IGSF5: variants seen among roughly 807,000 people sequenced by gnomAD.
IGSF5 encodes the protein immunoglobulin superfamily 5 like.
A neutral mutation model predicts 39.4 loss-of-function variants in IGSF5; 41 were observed. The ratio of observed to expected loss-of-function variants is 1.04; its 90% CI spans 0.81 to 1.35. IGSF5 has a LOEUF of 1.35. IGSF5 is among the 40% of genes most tolerant of loss of function. The pLI, the probability that IGSF5 is intolerant of heterozygous loss-of-function variation, is 0.00. For missense variants in IGSF5, 487 were observed against 494.6 expected (o/e 0.98, Z 0.15); for synonymous variants, 183 against 175.3 (o/e 1.04, Z -0.34).
chr21:39,770,844 A>G lies in IGSF5; in HGVS notation c.419-72A>G, dbSNP rs2080109941. On this transcript the variant is annotated intron_variant, in intron 3 of 8. Coordinates refer to ENST00000380588, the MANE Select transcript of IGSF5 (RefSeq NM_001080444.2). ...GAAGCAAAACTTAAAAAAAAAAAGA[A>G]AAAAAAAAAGAAAACTTAGAAGCGA... The G allele has an allele frequency of 4.3e-6, 5 of 1,162,988 alleles. No homozygotes were observed. In the East Asian group the frequency reaches 1.1e-4, roughly 27 times the overall value. The allele number at this position is 1,162,988 out of a possible 1,614,324, so 72.0% of individuals were successfully genotyped here.
At chr21:39,769,150 T>C (rs1416144235) in intron 3 of IGSF5, among the ~76,000 whole-genome samples, 4 of 152,182 alleles carry the variant, frequency 2.6e-5, no homozygotes, top group Non-Finnish European at 1.5e-5. Flanking sequence ...AGTTCCTTGA[T>C]AGAGTTTCAG....
At chr21:39,752,572 T>C (rs1334890675) in intron 2 of IGSF5, among the ~76,000 whole-genome samples, 1 of 152,274 alleles carries the variant, frequency 6.6e-6, no homozygotes, top group Non-Finnish European at 1.5e-5. Context: ...TACTTTTAGT[T>C]CTTTAAGGAA....
chr21:39,748,143 C>T (rs1018968919), intron 2 of IGSF5, among the ~76,000 whole-genome samples: 1 of 152,026 alleles, frequency 6.6e-6, no homozygotes, highest in Non-Finnish European at 1.5e-5. Flanking sequence ...AGCAGACATT[C>T]ATTTCTCACA....
intron 2 of IGSF5, among the ~76,000 whole-genome samples, chr21:39,764,180 T>G (rs1179484381): frequency 1.3e-5 from 2 of 152,160 alleles, no homozygotes; most frequent in Admixed American, 1.3e-4. Context: ...CTGTTCCTGG[T>G]GGCGGCTTAC....
the IGSF5 span, among the ~76,000 whole-genome samples, chr21:39,734,599 T>A: frequency 6.6e-6 from 1 of 152,110 alleles, no homozygotes; most frequent in East Asian, 1.9e-4. Context: ...ACTGACTCCA[T>A]GGTAGCAATT....
At chr21:39,754,422 C>T (rs541634483) in intron 2 of IGSF5, among the ~76,000 whole-genome samples, 8 of 152,252 alleles carry the variant, frequency 5.3e-5, no homozygotes, top group South Asian at 2.1e-4. Flanking sequence ...AGCTTCTTGC[C>T]GTTGCCCCAA....
intron 8 of IGSF5, among the ~76,000 whole-genome samples, chr21:39,799,866 A>C (rs925505336): frequency 6.6e-6 from 1 of 152,242 alleles, no homozygotes; most frequent in Non-Finnish European, 1.5e-5. Flanking sequence ...ATCATGGATT[A>C]AATTGTAAGA....
At chr21:39,769,247 G>A (rs571972385) in intron 3 of IGSF5, among the ~76,000 whole-genome samples, 7 of 152,196 alleles carry the variant, frequency 4.6e-5, no homozygotes, top group East Asian at 1.9e-4. Flanking sequence ...AGGCCCAGGC[G>A]GGCAGCTCAC....
At chr21:39,760,640 G>A (rs1009494943) in intron 2 of IGSF5, among the ~76,000 whole-genome samples, 1 of 151,926 alleles carries the variant, frequency 6.6e-6, no homozygotes, top group Non-Finnish European at 1.5e-5. Context: ...ACGTGATCTC[G>A]GCTCACTGCA....
chr21:39,787,578 G>A (rs1228311505), intron 5 of IGSF5, among the ~76,000 whole-genome samples: 1 of 140,540 alleles, frequency 7.1e-6, no homozygotes, highest in African/African-American at 2.6e-5. Context: ...TTTTGGTGGG[G>A]TGGGGGCACA....
chr21:39,749,221 T>A (rs2079992075), intron 2 of IGSF5, among the ~76,000 whole-genome samples: 7 of 151,820 alleles, frequency 4.6e-5, no homozygotes, highest in Admixed American at 4.6e-4. Context: ...AGGTTTTTTT[T>A]TTTTTTTTTG....
At chr21:39,795,758 G>T (rs2086992453) in intron 8 of IGSF5, among the ~76,000 whole-genome samples, 1 of 151,982 alleles carries the variant, frequency 6.6e-6, no homozygotes, top group African/African-American at 2.4e-5. Flanking sequence ...TCGAGGTGCT[G>T]AGCCCTGGGG....
chr21:39,763,777 G>T (rs2080072331), intron 2 of IGSF5, among the ~76,000 whole-genome samples: 1 of 152,110 alleles, frequency 6.6e-6, no homozygotes, highest in African/African-American at 2.4e-5. Context: ...CGGACCCTCG[G>T]GGCGCAGACT....
At position 39,752,390 on chromosome 21, in the gene IGSF5, C is replaced by T. The variant is rs190806893; in HGVS notation, c.100+6092C>T. ...GTAGTAGTCCATGGTGTATATATACCGCATTTTCTTTATCTACTCATTGGC... is the reference window on the plus strand; with the variant it reads ...GTAGTAGTCCATGGTGTATATATACTGCATTTTCTTTATCTACTCATTGGC... On this transcript the variant is annotated intron_variant, in intron 2 of 8. Coordinates refer to ENST00000380588, the MANE Select transcript of IGSF5 (RefSeq NM_001080444.2). Among the ~76,000 whole-genome samples the T allele has an allele frequency of 1.9e-3, 290 of 151,888 alleles. 3 individuals are homozygous for T. The highest frequency in any genetic ancestry group is 6.3e-3 in the African/African-American group (261 of 41,436).
At chr21:39,788,460 G>C (rs2086937999) in intron 6 of IGSF5, among the ~76,000 whole-genome samples, 1 of 152,184 alleles carries the variant, frequency 6.6e-6, no homozygotes, top group African/African-American at 2.4e-5. Context: ...TTAGTGTCTG[G>C]CATTTGCAGC....
the IGSF5 span, among the ~76,000 whole-genome samples, chr21:39,723,988 C>T: frequency 1.3e-5 from 2 of 151,850 alleles, no homozygotes; most frequent in African/African-American, 4.8e-5. Context: ...CTCACTTGAG[C>T]CTGGGAGGCA....
At chr21:39,720,974 T>C in the IGSF5 span, among the ~76,000 whole-genome samples, 1 of 152,344 alleles carries the variant, frequency 6.6e-6, no homozygotes, top group Admixed American at 6.5e-5. Flanking sequence ...AACACAGCCT[T>C]ATGTCACGTG....
At chr21:39,727,553 G>A in the IGSF5 span, among the ~76,000 whole-genome samples, 1 of 152,242 alleles carries the variant, frequency 6.6e-6, no homozygotes, top group African/African-American at 2.4e-5. Flanking sequence ...AGGCCAGCCA[G>A]TGCTCAGGCA....
At chr21:39,782,526 C>T (rs2080176194) in intron 5 of IGSF5, among the ~76,000 whole-genome samples, 1 of 152,152 alleles carries the variant, frequency 6.6e-6, no homozygotes, top group African/African-American at 2.4e-5. Flanking sequence ...TCCCGCTTCC[C>T]CCCAGTCCCT....
Sources: allele counts gnomAD v4.1 joint callset (sites outside exome capture counted in the v4.1 genomes callset), GRCh38; gene constraint gnomAD v4.1.1; transcripts MANE v1.5; gene names NCBI Gene and HGNC (gene_info 2026-07-23, HGNC 2026-07-21).